The following MMS22L variants were observed in gnomAD, a reference collection of about 807,000 sequenced individuals.
MMS22L encodes the protein MMS22 like, DNA repair protein, also known as protein MMS22-like.
A neutral mutation model predicts 159.1 loss-of-function variants in MMS22L; 74 were observed. That is an observed-to-expected ratio of 0.47 (90% CI 0.39 to 0.56). MMS22L has a LOEUF of 0.56. Among genes scored for constraint, MMS22L ranks in the 20% least tolerant of loss-of-function variants. MMS22L has a pLI of 0.00. For missense variants in MMS22L, 1,351 were observed against 1,422.1 expected (o/e 0.95, Z 0.80); for synonymous variants, 517 against 506.9 (o/e 1.02, Z -0.27).
At chr6:97,254,787 T>C in intron 9 of MMS22L, 54 bp from the exon 10 acceptor site, 1 of 1,397,720 alleles carries the variant, frequency 7.2e-7, no homozygotes, top group Non-Finnish European at 9.6e-7. Flanking sequence ...TAACCTTTGA[T>C]TTCGTGGTTT....
chr6:97,232,644 T>C (rs1200283802), intron 12 of MMS22L, among the ~76,000 whole-genome samples: 1 of 152,148 alleles, frequency 6.6e-6, no homozygotes, highest in Non-Finnish European at 1.5e-5. Context: ...CCTTTCCTGC[T>C]TTCTGGTATG....
At chr6:97,241,652 T>A (rs1812089085) in intron 11 of MMS22L, among the ~76,000 whole-genome samples, 1 of 152,056 alleles carries the variant, frequency 6.6e-6, no homozygotes, top group Non-Finnish European at 1.5e-5. Flanking sequence ...GGGATTTGGG[T>A]TTGGTTTATT....
chr6:97,147,179 C>A (rs1301933818), intron 24 of MMS22L, among the ~76,000 whole-genome samples: 2 of 152,008 alleles, frequency 1.3e-5, no homozygotes, highest in African/African-American at 4.8e-5. Flanking sequence ...TAATAAAATG[C>A]ATTCATGGAA....
intron 9 of MMS22L, among the ~76,000 whole-genome samples, chr6:97,255,883 T>C (rs1428852617): frequency 6.6e-6 from 1 of 152,100 alleles, no homozygotes; most frequent in Admixed American, 6.6e-5. Flanking sequence ...ATAAAACAAC[T>C]TAATGCTTTT....
chr6:97,197,212 T>C (rs1806623835), intron 14 of MMS22L, among the ~76,000 whole-genome samples: 1 of 152,154 alleles, frequency 6.6e-6, no homozygotes, highest in Non-Finnish European at 1.5e-5. Context: ...GACGTCATCG[T>C]AGGTTAGTAA....
intron 9 of MMS22L, chr6:97,262,017 T>C (rs1177283533): frequency 6.6e-6 from 1 of 152,206 alleles, no homozygotes; most frequent in Non-Finnish European, 1.5e-5. Context: ...TTTAAACTTC[T>C]GAAAAGCACC....
intron 14 of MMS22L, among the ~76,000 whole-genome samples, chr6:97,191,785 T>C (rs1393076935): frequency 6.6e-6 from 1 of 152,196 alleles, no homozygotes; most frequent in African/African-American, 2.4e-5. Context: ...CTTGCTTGTA[T>C]CTGTGAAACA....
chr6:97,165,340 C>T lies in MMS22L; in HGVS notation c.3127G>A (p.Asp1043Asn). ...RFLPASPYVS[D>N]LGQHPVLLAL... ...AGCAAAACAGGATGTTGTCCAAGAT[C>T]TGAAACATATGGTGAAGCTGGAAGA... Residue 1043 changes from aspartate to asparagine, a missense_variant, in exon 21 of 25, where the codon GAT becomes AAT. Coordinates refer to ENST00000683635, the MANE Select transcript of MMS22L (RefSeq NM_001350599.2). The T allele has an allele frequency of 6.2e-7, 1 of 1,613,384 alleles. No homozygotes were observed. Among genetic ancestry groups the T allele is most frequent in the Non-Finnish European group, 8.5e-7 (1 of 1,179,624 alleles).
intron 14 of MMS22L, among the ~76,000 whole-genome samples, chr6:97,208,240 A>T (rs778729486): frequency 2.7e-4 from 41 of 151,974 alleles, no homozygotes; most frequent in Non-Finnish European, 5.0e-4. Context: ...GCATTTTTGT[A>T]TTATTAGCCT....
chr6:97,160,014 A>G (rs1370648493), intron 22 of MMS22L, among the ~76,000 whole-genome samples: 3 of 102,300 alleles, frequency 2.9e-5, no homozygotes, highest in African/African-American at 3.9e-5. Flanking sequence ...TCCTTTCCTT[A>G]GCCTAATACT....
intron 14 of MMS22L, among the ~76,000 whole-genome samples, chr6:97,204,567 G>A (rs1304353066): frequency 1.3e-5 from 2 of 152,164 alleles, no homozygotes; most frequent in African/African-American, 4.8e-5. Context: ...CAAGGCAGGA[G>A]GATCACTTGA....
At chr6:97,169,858 G>A (rs17454869) in intron 19 of MMS22L, among the ~76,000 whole-genome samples, 2,189 of 152,138 alleles carry the variant, frequency 0.014, 27 homozygotes, top group Middle Eastern at 0.027. Context: ...TACAGTTTTA[G>A]TTACCCGTGC....
In MMS22L at chr6:97,272,899, A is replaced by C; in HGVS notation, c.429-18T>G. ...TCAGATACCTAAAAAATAATTAGATAAAATAAACAACTAGAGTCTGTGTGA... is the reference window on the plus strand; with the variant it reads ...TCAGATACCTAAAAAATAATTAGATCAAATAAACAACTAGAGTCTGTGTGA... On this transcript the variant is annotated intron_variant, in intron 5 of 24. Transcript: ENST00000683635. 6.2e-7 allele frequency: 1 copy of C among 1,608,634 alleles called. No homozygotes were observed. Among genetic ancestry groups the C allele is most frequent in the Non-Finnish European group, 8.5e-7 (1 of 1,178,300 alleles).
chr6:97,232,068 T>A (rs1810934146), intron 12 of MMS22L, among the ~76,000 whole-genome samples: 1 of 152,162 alleles, frequency 6.6e-6, no homozygotes, highest in Admixed American at 6.5e-5. Flanking sequence ...TTACTTAATC[T>A]TTTTTCCCTT....
At chr6:97,274,593 C>T (rs1303561045) in intron 4 of MMS22L, among the ~76,000 whole-genome samples, 11 of 152,116 alleles carry the variant, frequency 7.2e-5, no homozygotes, top group Admixed American at 4.6e-4. Flanking sequence ...CACCTAGAGA[C>T]AGTTTCCAGG....
intron 6 of MMS22L, 151 bp downstream of exon 6, chr6:97,272,553 A>G (rs1465452523): frequency 7.8e-6 from 5 of 637,108 alleles, no homozygotes; most frequent in African/African-American, 5.5e-5. Flanking sequence ...AAAGCACACA[A>G]TTAATAAAAG....
rs923733136 is a variant in MMS22L at position 97,273,138 on chromosome 6, T to C, written c.341-76A>G. ...CAGTGACAAAAAATGTTGTAAGCCA[T>C]ACCGGCAGCAATTCTCTATCTTGTA... is the stretch of plus-strand genomic sequence containing the variant. On this transcript the variant is annotated intron_variant, in intron 4 of 24. Coordinates refer to ENST00000683635, the MANE Select transcript of MMS22L (RefSeq NM_001350599.2). 1.3e-5 allele frequency: 15 copies of C among 1,128,304 alleles called. No homozygotes were observed. The African/African-American group carries it at 1.6e-4, about 12-fold the overall frequency. 69.9% of individuals were successfully genotyped at this position (1,128,304 alleles called of 1,614,324 possible).
intron 11 of MMS22L, among the ~76,000 whole-genome samples, chr6:97,236,306 G>C (rs1811394322): frequency 7.9e-6 from 1 of 126,222 alleles, no homozygotes. Flanking sequence ...CTGGGAGACA[G>C]AGTGACACTC....
intron 8 of MMS22L, chr6:97,264,935 T>C (rs1437986695): frequency 2.0e-5 from 3 of 152,060 alleles, no homozygotes; most frequent in Non-Finnish European, 2.9e-5. Flanking sequence ...TGGTCATGGA[T>C]TGGAAGAAAT....
Sources: allele counts gnomAD v4.1 joint callset (sites outside exome capture counted in the v4.1 genomes callset), GRCh38; gene constraint gnomAD v4.1.1; transcripts MANE v1.5; gene names NCBI Gene and HGNC (gene_info 2026-07-23, HGNC 2026-07-21).